Variants in CDKN2B-AS1 observed in about 807,000 individuals in gnomAD.
CDKN2B-AS1 encodes the protein CDKN2B antisense RNA 1 (non-protein coding).
At chr9:22,091,587 G>T (rs371203169) in intron 4 of CDKN2B-AS1, among the ~76,000 whole-genome samples, 5 of 152,068 alleles carry the variant, frequency 3.3e-5, no homozygotes, top group Admixed American at 2.0e-4. Flanking sequence ...CTCTTTGAAG[G>T]AATTGTGAAT....
intron 4 of CDKN2B-AS1, among the ~76,000 whole-genome samples, chr9:22,084,442 T>C (rs1321731044): frequency 6.6e-6 from 1 of 152,204 alleles, no homozygotes. Flanking sequence ...GTAAATTATA[T>C]TTAATAGAAG....
intron 4 of CDKN2B-AS1, among the ~76,000 whole-genome samples, chr9:22,066,932 G>A (rs1824068543): frequency 6.6e-6 from 1 of 152,060 alleles, no homozygotes; most frequent in East Asian, 1.9e-4. Flanking sequence ...GGATGAAGCT[G>A]GAAACCATCA....
intron 4 of CDKN2B-AS1, among the ~76,000 whole-genome samples, chr9:22,102,942 A>G (rs1202942213): frequency 6.6e-6 from 1 of 152,154 alleles, no homozygotes; most frequent in Non-Finnish European, 1.5e-5. Flanking sequence ...ATTAAGGTGG[A>G]ATGGACCTCA....
chr9:22,125,445 C>A (rs1386490362), intron 4 of CDKN2B-AS1, among the ~76,000 whole-genome samples: 1 of 152,196 alleles, frequency 6.6e-6, no homozygotes, highest in African/African-American at 2.4e-5. Context: ...TCATTTCATT[C>A]CAAATTTATG....
chr9:22,125,115 C>T (rs1817996886), intron 4 of CDKN2B-AS1, among the ~76,000 whole-genome samples: 1 of 152,200 alleles, frequency 6.6e-6, no homozygotes, highest in South Asian at 2.1e-4. Context: ...TTAACCAAAA[C>T]CATTTTATCT....
At chr9:22,020,436 CT>C (rs1821967462) in intron 1 of CDKN2B-AS1, among the ~76,000 whole-genome samples, 1 of 152,102 alleles carries the variant, frequency 6.6e-6, no homozygotes, top group Admixed American at 6.5e-5. Flanking sequence ...GTCTTTAGGT[CT>C]TTGAGGAATC....
At chr9:22,014,198 T>C (rs1821638802) in intron 1 of CDKN2B-AS1, among the ~76,000 whole-genome samples, 1 of 152,204 alleles carries the variant, frequency 6.6e-6, no homozygotes, top group African/African-American at 2.4e-5. Context: ...AGTCTTGCAC[T>C]GTCACCCAGG....
At chr9:22,022,384 T>A (rs1822053107) in intron 1 of CDKN2B-AS1, among the ~76,000 whole-genome samples, 1 of 152,196 alleles carries the variant, frequency 6.6e-6, no homozygotes, top group South Asian at 2.1e-4. Flanking sequence ...TCTCGTTGAA[T>A]TGAACCCTTT....
intron 4 of CDKN2B-AS1, among the ~76,000 whole-genome samples, chr9:22,113,069 G>A (rs1410447503): frequency 6.6e-6 from 1 of 152,172 alleles, no homozygotes; most frequent in Non-Finnish European, 1.5e-5. Flanking sequence ...CACAAACTTA[G>A]AGGTTTGAAA....
chr9:22,051,051 T>C (rs1297713204), intron 3 of CDKN2B-AS1, among the ~76,000 whole-genome samples: 1 of 152,172 alleles, frequency 6.6e-6, no homozygotes, highest in Non-Finnish European at 1.5e-5. Context: ...GTCTACTTGG[T>C]TTTCATGAAC....
At chr9:22,062,972 G>GAGACACAC (rs1823882860) in intron 4 of CDKN2B-AS1, among the ~76,000 whole-genome samples, 1 of 47,574 alleles carries the variant, frequency 2.1e-5, no homozygotes, top group Admixed American at 2.8e-4. Flanking sequence ...GTGTGTGAAA[G>GAGACACAC]ACAGACACAC....
intron 4 of CDKN2B-AS1, among the ~76,000 whole-genome samples, chr9:22,067,556 G>A (rs904412548): frequency 2.0e-5 from 3 of 151,612 alleles, no homozygotes; most frequent in African/African-American, 4.8e-5. Flanking sequence ...ACACACACAC[G>A]CACGCACACA....
chr9:22,087,713 A>G (rs1012509765), intron 4 of CDKN2B-AS1, among the ~76,000 whole-genome samples: 1 of 152,192 alleles, frequency 6.6e-6, no homozygotes, highest in South Asian at 2.1e-4. Context: ...ATTTTGTCAT[A>G]TCCTTGTATC....
chr9:22,089,752 A>G (rs940315670), intron 4 of CDKN2B-AS1, among the ~76,000 whole-genome samples: 3 of 152,052 alleles, frequency 2.0e-5, no homozygotes, highest in African/African-American at 7.2e-5. Context: ...GCCCCCTAGC[A>G]GACGTCTTAC....
At chr9:22,091,714 A>T (rs946485375) in intron 4 of CDKN2B-AS1, among the ~76,000 whole-genome samples, 1 of 152,160 alleles carries the variant, frequency 6.6e-6, no homozygotes, top group African/African-American at 2.4e-5. Context: ...CAGCTTGAGG[A>T]GATTTTGGCT....
In CDKN2B-AS1 at chr9:22,013,430, C is replaced by T. The variant is rs183002947; in HGVS notation, n.29+18269C>T. ...TGAAATTGGTTGAAATTGCTACAGT[C>T]TCTTGTATCTCTCTCTCTCTCTTTT... On this transcript the variant is annotated intron_variant and non_coding_transcript_variant, in intron 1 of 4. Coordinates refer to ENST00000650946, the Ensembl canonical transcript of CDKN2B-AS1. 1.8e-4 allele frequency among the ~76,000 whole-genome samples: 27 copies of T among 152,092 alleles called. No individual in the cohort carries two copies. In the East Asian group the frequency reaches 1.9e-3, roughly 11 times the overall value.
At chr9:22,115,287 T>C (rs944797) in intron 4 of CDKN2B-AS1, among the ~76,000 whole-genome samples, 75,137 of 151,974 alleles carry the variant, frequency 0.49, 18,827 homozygotes, top group Middle Eastern at 0.7. Context: ...GAGGGAAGAC[T>C]GGGGAAGGTG....
intron 1 of CDKN2B-AS1, among the ~76,000 whole-genome samples, chr9:22,040,591 G>A (rs1285920780): frequency 6.6e-6 from 1 of 151,928 alleles, no homozygotes; most frequent in Non-Finnish European, 1.5e-5. Flanking sequence ...TTGTTCATGT[G>A]TATGGATTCC....
intron 4 of CDKN2B-AS1, among the ~76,000 whole-genome samples, chr9:22,076,317 G>T (rs534441836): frequency 4.6e-5 from 7 of 152,124 alleles, no homozygotes; most frequent in Admixed American, 2.6e-4. Context: ...GCCTCCCAAA[G>T]TGTGGGATTA....
Sources: gnomAD v4.1 joint callset for allele counts (sites outside exome capture counted in the v4.1 genomes callset) on GRCh38, gnomAD v4.1.1 for gene constraint, MANE v1.5 for transcripts, NCBI Gene and HGNC (gene_info 2026-07-23, HGNC 2026-07-21) for gene names.